The following MRPS28 variants were observed in gnomAD, a reference collection of about 807,000 sequenced individuals.
MRPS28 encodes mitochondrial ribosomal protein S28.
MRPS28 carries 7 observed loss-of-function variants against 10.8 expected under a neutral mutation model. The observed-to-expected ratio is 0.65, with a 90% CI of 0.37 to 1.22. MRPS28 has a LOEUF of 1.22. Ranked by LOEUF, MRPS28 falls within the 50% of genes most tolerant of loss-of-function variation. The probability of loss-of-function intolerance (pLI) is 0.02; values close to 1 mark genes in which losing one functional copy is unlikely to be tolerated. For synonymous variants in MRPS28, 121 were observed against 93.3 expected (o/e 1.30, Z -1.71); for missense variants, 265 against 232.9 (o/e 1.14, Z -0.90).
chr8:79,964,713 T>C (rs1399145441), intron 2 of MRPS28, among the ~76,000 whole-genome samples: 1 of 152,064 alleles, frequency 6.6e-6, no homozygotes, highest in African/African-American at 2.4e-5. Flanking sequence ...CATTGGAGGC[T>C]GTGAAGGTAA....
At chr8:79,978,837 A>T (rs1307910762) in intron 2 of MRPS28, among the ~76,000 whole-genome samples, 2 of 152,234 alleles carry the variant, frequency 1.3e-5, no homozygotes, top group Non-Finnish European at 1.5e-5. Context: ...ATTTTACATG[A>T]GTTAAAATGT....
intron 2 of MRPS28, among the ~76,000 whole-genome samples, chr8:79,937,023 G>A (rs551133354): frequency 1.4e-4 from 22 of 152,066 alleles, no homozygotes; most frequent in South Asian, 4.2e-4. Flanking sequence ...ACCACGCCCC[G>A]CTAATTTTTG....
chr8:80,030,065 G>T lies in MRPS28; in HGVS notation c.184C>A (p.Leu62Ile). 1 of 1,613,586 alleles carries T rather than the reference G, an allele frequency of 6.2e-7. No individual in the cohort carries two copies. The highest frequency in any genetic ancestry group is 8.5e-7 in the Non-Finnish European group (1 of 1,179,744). Residue 62 changes from leucine (L) to isoleucine (I), a missense_variant, in exon 1 of 3, where the codon CTT becomes ATT. Coordinates refer to ENST00000276585, the MANE Select transcript of MRPS28 (RefSeq NM_014018.3). ...FASALERHSE[L>I]LQKVEPLQKG... ...TGTAGGGGCTCCACCTTCTGTAGAA[G>T]CTCCGAGTGCCGCTCCAACGCGCTC... is the stretch of plus-strand genomic sequence containing the variant.
In MRPS28 at chr8:79,934,249, C is replaced by T. The variant is rs139811366; in HGVS notation, c.396-15101G>A. The stretch of plus-strand genomic sequence containing the variant: ...TTACTTTGTCAAAAGAGATGGTTGA[C>T]TAGATGTCTATGGTTCTTACAAAGT... On this transcript the variant is annotated intron_variant, in intron 2 of 2. Transcript: ENST00000276585. 2.0e-4 allele frequency among the ~76,000 whole-genome samples: 31 copies of T among 152,268 alleles called. No individual in the cohort carries two copies. In the East Asian group the frequency reaches 6.0e-3, roughly 29 times the overall value.
At chr8:79,958,521 T>C in intron 2 of MRPS28, 1 of 571,710 alleles carries the variant, frequency 1.7e-6, no homozygotes, top group Non-Finnish European at 3.1e-6. Flanking sequence ...TTTGGTACAC[T>C]AACAATTTTT....
intron 2 of MRPS28, among the ~76,000 whole-genome samples, chr8:79,998,192 G>A (rs1239630091): frequency 2.0e-5 from 3 of 152,150 alleles, no homozygotes; most frequent in Non-Finnish European, 4.4e-5. Context: ...ATGTGGTGTT[G>A]GTATCTGTCA....
chr8:79,991,413 C>A (rs1160044806), intron 2 of MRPS28, among the ~76,000 whole-genome samples: 1 of 152,164 alleles, frequency 6.6e-6, no homozygotes, highest in Non-Finnish European at 1.5e-5. Context: ...TAGCAAAGAG[C>A]AGCCACTTGA....
intron 2 of MRPS28, among the ~76,000 whole-genome samples, chr8:79,952,432 A>G (rs1807102238): frequency 6.6e-6 from 1 of 152,194 alleles, no homozygotes; most frequent in East Asian, 1.9e-4. Flanking sequence ...AAATACACCA[A>G]GAGTAGAAAT....
chr8:79,920,389 T>C (rs1441629781), intron 2 of MRPS28, among the ~76,000 whole-genome samples: 1 of 152,228 alleles, frequency 6.6e-6, no homozygotes, highest in Non-Finnish European at 1.5e-5. Flanking sequence ...ATGGTTGAAC[T>C]AGTTTACAGT....
At chr8:80,011,825 C>G (rs1220755414) in intron 1 of MRPS28, among the ~76,000 whole-genome samples, 2 of 152,098 alleles carry the variant, frequency 1.3e-5, no homozygotes. Context: ...ACAGTAGTAG[C>G]AGATCCAGTA....
At chr8:80,009,192 C>T (rs1157984967) in intron 1 of MRPS28, among the ~76,000 whole-genome samples, 7 of 152,084 alleles carry the variant, frequency 4.6e-5, no homozygotes, top group Admixed American at 2.6e-4. Flanking sequence ...AACCAAACAC[C>T]TCATGTTCTT....
At chr8:80,000,318 G>A (rs919133812) in intron 2 of MRPS28, among the ~76,000 whole-genome samples, 1 of 152,156 alleles carries the variant, frequency 6.6e-6, no homozygotes, top group Non-Finnish European at 1.5e-5. Flanking sequence ...TAAGCAGGTG[G>A]TTTCATGGAA....
intron 2 of MRPS28, among the ~76,000 whole-genome samples, chr8:79,927,217 A>G (rs1455451897): frequency 1.3e-5 from 2 of 152,340 alleles, no homozygotes; most frequent in African/African-American, 2.4e-5. Context: ...GCTTGGCTAC[A>G]TAAGGTTTAC....
intron 2 of MRPS28, among the ~76,000 whole-genome samples, chr8:79,971,474 TC>T (rs1186263555): frequency 6.6e-6 from 1 of 152,022 alleles, no homozygotes; most frequent in Non-Finnish European, 1.5e-5. Context: ...CAAAAGAAAC[TC>T]CCTTAGCTAT....
intron 2 of MRPS28, among the ~76,000 whole-genome samples, chr8:79,923,631 A>G (rs1810153032): frequency 6.6e-6 from 1 of 152,146 alleles, no homozygotes; most frequent in Admixed American, 6.6e-5. Flanking sequence ...CTGTCTTGAA[A>G]GGCAAATAGG....
chr8:79,988,072 C>T (rs1471170202), intron 2 of MRPS28, among the ~76,000 whole-genome samples: 1 of 151,926 alleles, frequency 6.6e-6, no homozygotes, highest in East Asian at 1.9e-4. Context: ...CACATATACA[C>T]CATGGAATAC....
chr8:79,939,054 T>C (rs112272468), intron 2 of MRPS28, among the ~76,000 whole-genome samples: 1 of 152,226 alleles, frequency 6.6e-6, no homozygotes. Flanking sequence ...AGATACCTAC[T>C]GAAAGATCAG....
At chr8:79,944,366 C>T (rs1806845988) in intron 2 of MRPS28, among the ~76,000 whole-genome samples, 1 of 152,310 alleles carries the variant, frequency 6.6e-6, no homozygotes, top group East Asian at 1.9e-4. Context: ...TGGTCAGAGC[C>T]TCTCTTAGGA....
intron 1 of MRPS28, among the ~76,000 whole-genome samples, chr8:80,013,737 A>G (rs1000789440): frequency 6.6e-6 from 1 of 152,082 alleles, no homozygotes; most frequent in Non-Finnish European, 1.5e-5. Flanking sequence ...GGTTAGCAAG[A>G]AAAAAATTTC....
Sources: allele counts gnomAD v4.1 joint callset (sites outside exome capture counted in the v4.1 genomes callset), GRCh38; gene constraint gnomAD v4.1.1; transcripts MANE v1.5; gene names NCBI Gene and HGNC (gene_info 2026-07-23, HGNC 2026-07-21).